Variants in LRRC75A observed in about 807,000 individuals in gnomAD.
LRRC75A encodes the protein leucine rich repeat containing 75A.
A neutral mutation model predicts 26.0 loss-of-function variants in LRRC75A; 12 were observed. The ratio of observed to expected loss-of-function variants is 0.46; its 90% CI spans 0.30 to 0.75. The LOEUF is 0.75. LRRC75A is among the 30% of genes least tolerant of loss of function. LRRC75A has a pLI of 0.08. For missense variants in LRRC75A, 410 were observed against 486.6 expected (o/e 0.84, Z 1.48); for synonymous variants, 223 against 219.3 (o/e 1.02, Z -0.15).
At chr17:16,473,862 C>T (rs1012225225) in intron 1 of LRRC75A, among the ~76,000 whole-genome samples, 3 of 152,152 alleles carry the variant, frequency 2.0e-5, no homozygotes, top group African/African-American at 7.2e-5. Context: ...CAGGAGTCAG[C>T]GGGCTGGGCA....
intron 1 of LRRC75A, among the ~76,000 whole-genome samples, chr17:16,470,971 T>C (rs187341404): frequency 1.3e-5 from 2 of 152,170 alleles, no homozygotes; most frequent in East Asian, 3.9e-4. Context: ...ATGCACCTAA[T>C]GAGAGAAACA....
chr17:16,449,643 G>C (rs1026653800), intron 2 of LRRC75A, among the ~76,000 whole-genome samples: 1 of 152,130 alleles, frequency 6.6e-6, no homozygotes, highest in Non-Finnish European at 1.5e-5. Context: ...TTTTGAGACA[G>C]TCTTGCTCTG....
chr17:16,455,035 T>A (rs573819478), intron 2 of LRRC75A, among the ~76,000 whole-genome samples: 1 of 151,474 alleles, frequency 6.6e-6, no homozygotes, highest in East Asian at 2.0e-4. Context: ...CAGGTTCAAG[T>A]GATTCTCCTG....
chr17:16,443,370 G>A lies in LRRC75A; in HGVS notation c.*218C>T. On this transcript the variant is annotated 3_prime_UTR_variant, in exon 4 of 4. Coordinates refer to ENST00000470794, the MANE Select transcript of LRRC75A (RefSeq NM_001113567.3). ...GCCTGGGATGACTTAAGAACCAAAT[G>A]GCAGATAATGGGATAGGGGGCAGAT... 1.9e-6 allele frequency: 1 copy of A among 520,452 alleles called. No individual in the cohort carries two copies. Among genetic ancestry groups the A allele is most frequent in the Non-Finnish European group, 3.4e-6 (1 of 294,632 alleles). 32.2% of individuals were successfully genotyped at this position (520,452 alleles called of 1,614,324 possible).
intron 1 of LRRC75A, among the ~76,000 whole-genome samples, chr17:16,465,732 G>A (rs182425698): frequency 2.0e-5 from 3 of 152,308 alleles, no homozygotes; most frequent in East Asian, 1.9e-4. Context: ...TGTCCTTTCC[G>A]GAGCCCACTC....
At chr17:16,475,010 AAGAG>A (rs935553686) in intron 1 of LRRC75A, among the ~76,000 whole-genome samples, 1 of 151,822 alleles carries the variant, frequency 6.6e-6, no homozygotes, top group Non-Finnish European at 1.5e-5. Flanking sequence ...AAAAAAAAAA[AAGAG>A]AGAAACATTT....
At position 16,444,241 on chromosome 17, in the gene LRRC75A, G is replaced by A. The variant is rs1363798891; in HGVS notation, c.492-110C>T. On this transcript the variant is annotated intron_variant, in intron 3 of 3. Coordinates refer to ENST00000470794, the MANE Select transcript of LRRC75A (RefSeq NM_001113567.3). ...CTCCGACGCTAGGGACTGCTTTTAC[G>A]AAACACTTGGATGTCGGATGCCACA... 1.5e-5 allele frequency: 14 copies of A among 903,512 alleles called. No individual in the cohort carries two copies. The South Asian group carries it at 1.8e-4, about 12-fold the overall frequency. 56.0% of individuals were successfully genotyped at this position (903,512 alleles called of 1,614,324 possible).
chr17:16,465,537 T>C (rs2093761255), intron 1 of LRRC75A, among the ~76,000 whole-genome samples: 1 of 152,228 alleles, frequency 6.6e-6, no homozygotes, highest in South Asian at 2.1e-4. Context: ...AACGCAGTTC[T>C]GTTCCAAAGA....
At chr17:16,483,896 C>T (rs2093840296) in intron 1 of LRRC75A, among the ~76,000 whole-genome samples, 1 of 152,134 alleles carries the variant, frequency 6.6e-6, no homozygotes, top group South Asian at 2.1e-4. Flanking sequence ...AACAGGAACT[C>T]GATTGTTGAA....
chr17:16,470,766 C>T (rs1214499198), intron 1 of LRRC75A, among the ~76,000 whole-genome samples: 2 of 152,160 alleles, frequency 1.3e-5, no homozygotes, highest in Non-Finnish European at 2.9e-5. Context: ...AGACTTGCTT[C>T]TCTAGGAAGA....
At position 16,482,947 on chromosome 17, in the gene LRRC75A, A is replaced by G. The variant is rs376404945; in HGVS notation, c.246+8798T>C. Among the ~76,000 whole-genome samples the G allele has an allele frequency of 9.2e-5, 14 of 152,324 alleles. No homozygotes were observed. The East Asian group carries it at 2.5e-3, about 27-fold the overall frequency. Reference sequence around the variant, plus strand: ...GTCCTGAAGCTCGGCTGGGGCTGGCAGGTCTGGGTCTCTGTGGACAGGACA... The same window carrying G: ...GTCCTGAAGCTCGGCTGGGGCTGGCGGGTCTGGGTCTCTGTGGACAGGACA... On this transcript the variant is annotated intron_variant, in intron 1 of 3. Transcript: ENST00000470794.
chr17:16,468,256 CTA>C (rs1439603154), intron 1 of LRRC75A, among the ~76,000 whole-genome samples: 2 of 152,210 alleles, frequency 1.3e-5, no homozygotes, highest in African/African-American at 4.8e-5. Context: ...CAAACAGCAG[CTA>C]TGTTTCCAGC....
intron 2 of LRRC75A, among the ~76,000 whole-genome samples, chr17:16,451,477 T>A (rs995406911): frequency 1.3e-5 from 2 of 151,798 alleles, no homozygotes; most frequent in Non-Finnish European, 2.9e-5. Flanking sequence ...AAAAATTAGC[T>A]GGGCGTGACG....
intron 1 of LRRC75A, among the ~76,000 whole-genome samples, chr17:16,482,557 CG>C (rs1450933013): frequency 2.6e-5 from 4 of 152,092 alleles, no homozygotes; most frequent in Admixed American, 6.5e-5. Context: ...GTGGGGGAGA[CG>C]GGGCTTCCCA....
rs200852875 is a variant in LRRC75A at position 16,465,649 on chromosome 17, G to A, written c.247-3263C>T. Reference sequence around the variant, plus strand: ...CCCCTACATCTCCAAGCTAGTCTAGGCCATCCCTGGAAGGACCAAGAAAAT... The same window carrying A: ...CCCCTACATCTCCAAGCTAGTCTAGACCATCCCTGGAAGGACCAAGAAAAT... On this transcript the variant is annotated intron_variant, in intron 1 of 3. Transcript: ENST00000470794. 3.3e-5 allele frequency among the ~76,000 whole-genome samples: 5 copies of A among 152,298 alleles called. No individual in the cohort carries two copies. In the East Asian group the frequency reaches 9.6e-4, roughly 29 times the overall value.
chr17:16,483,457 C>T (rs1346447712), intron 1 of LRRC75A, among the ~76,000 whole-genome samples: 3 of 152,180 alleles, frequency 2.0e-5, no homozygotes. Context: ...AGCTCTTGCA[C>T]CAGCTGAGGC....
chr17:16,480,858 A>C (rs1385482074), intron 1 of LRRC75A, among the ~76,000 whole-genome samples: 1 of 152,072 alleles, frequency 6.6e-6, no homozygotes, highest in Non-Finnish European at 1.5e-5. Context: ...CTCAGAAAAC[A>C]CCAAGTTTTT....
At position 16,454,606 on chromosome 17, in the gene LRRC75A, G is replaced by C. The variant is rs139717620; in HGVS notation, c.376-6646C>G. The stretch of plus-strand genomic sequence containing the variant: ...CTCGGAAGGCTGAGGCAGGAGAATC[G>C]CGTGAACCCAGGAGGCAGAGGTTGA... On this transcript the variant is annotated intron_variant, in intron 2 of 3. Transcript: ENST00000470794. Among the ~76,000 whole-genome samples, 957 of 152,050 alleles carry C rather than the reference G, an allele frequency of 6.3e-3. 8 individuals are homozygous for C. The highest frequency in any genetic ancestry group is 0.022 in the African/African-American group (915 of 41,456).
chr17:16,451,957 G>C lies in LRRC75A; in HGVS notation c.376-3997C>G, dbSNP rs575750554. Among the ~76,000 whole-genome samples, 134 of 151,212 alleles carry C rather than the reference G, an allele frequency of 8.9e-4. No individual in the cohort carries two copies. The Middle Eastern group carries it at 0.028, about 31-fold the overall frequency. ...AGACGGGGGGTCTCACTGTGTTAGC[G>C]AGGATGGTCTCGATCTCCTGACCTT... On this transcript the variant is annotated intron_variant, in intron 2 of 3. Coordinates refer to ENST00000470794, the MANE Select transcript of LRRC75A (RefSeq NM_001113567.3).
Sources: gnomAD v4.1 joint callset for allele counts (sites outside exome capture counted in the v4.1 genomes callset) on GRCh38, gnomAD v4.1.1 for gene constraint, MANE v1.5 for transcripts, NCBI Gene and HGNC (gene_info 2026-07-23, HGNC 2026-07-21) for gene names.